The following PES1 variants were observed in gnomAD, a reference collection of about 807,000 sequenced individuals.
PES1 encodes pescadillo homolog.
Under a neutral mutation model 77.1 loss-of-function variants are expected in PES1, and 31 were observed. The ratio of observed to expected loss-of-function variants is 0.40; its 90% CI spans 0.30 to 0.54. PES1 has a LOEUF of 0.54. Among genes scored for constraint, PES1 ranks in the 20% least tolerant of loss-of-function variants. The pLI is 0.45. For missense variants in PES1, 658 were observed against 771.7 expected (o/e 0.85, Z 1.75); for synonymous variants, 282 against 303.0 (o/e 0.93, Z 0.72).
In PES1 at chr22:30,597,876, A is replaced by ATTTTTTTTT. The variant is rs1210779167; in HGVS notation, c.-660-5479_-660-5478insAAAAAAAAA. 3.8e-4 allele frequency among the ~76,000 whole-genome samples: 48 copies of ATTTTTTTTT among 125,148 alleles called. 1 individual carries two copies. Among genetic ancestry groups the ATTTTTTTTT allele is most frequent in the African/African-American group, 1.5e-3 (48 of 32,420 alleles). The allele number at this position is 125,148 out of a possible 152,430, so 82.1% of individuals were successfully genotyped here. A position where few individuals can be genotyped will look rare whatever the true frequency, so the allele number is the denominator to read the frequency against. ...CTCGGTTTTTTTTCCACGCAGTTGA[A>ATTTTTTTTT]GTTTTGTTTTTTTTTTTTTTGTTTT... On this transcript the variant is annotated intron_variant, in intron 2 of 16. Transcript: ENST00000402281.
chr22:30,606,117 G>T (rs2145525964), intron 1 of PES1, among the ~76,000 whole-genome samples: 1 of 152,284 alleles, frequency 6.6e-6, no homozygotes, highest in South Asian at 2.1e-4. Flanking sequence ...GGGCAGATGA[G>T]GAATCTTTTG....
At position 30,581,063 on chromosome 22, in the gene PES1, C is replaced by T. The variant is rs1014551834; in HGVS notation, c.861G>A (p.Val287=). The T allele has an allele frequency of 6.2e-7, 1 of 1,611,842 alleles. No individual in the cohort carries two copies. The highest frequency in any genetic ancestry group is 1.3e-5 in the African/African-American group (1 of 75,036). The change falls in exon 9 of 15, where the codon GTG becomes GTA. Residue 287 remains valine (V), a synonymous_variant. Transcript: ENST00000354694. ...AALSASLARV[V]VPATEEEAEV... ...CGGCCTCCTCCTCTGTGGCAGGCAC[C>T]ACCACGCGGGCCAGGCTGGCACTGA... is the stretch of plus-strand genomic sequence containing the variant.
At chr22:30,596,655 T>C (rs1188719338), upstream of PES1, among the ~76,000 whole-genome samples, 1 of 152,218 alleles carries the variant, frequency 6.6e-6, no homozygotes, top group Non-Finnish European at 1.5e-5. Context: ...AACCATCTTT[T>C]ATAAACCGAT....
chr22:30,603,777 A>T (rs1209852813), intron 2 of PES1: 2 of 152,204 alleles, frequency 1.3e-5, no homozygotes, highest in African/African-American at 4.8e-5. Flanking sequence ...CATTCTTCTC[A>T]TGCCATCTTC....
chr22:30,603,916 A>G (rs1602034165), intron 2 of PES1: 1 of 152,144 alleles, frequency 6.6e-6, no homozygotes. Context: ...CAGCAGAGGA[A>G]CTATAGTGAT....
At chr22:30,577,174 G>A (rs893843135) in intron 14 of PES1, 45 bp from the exon 15 acceptor site, 12 of 1,489,216 alleles carry the variant, frequency 8.1e-6, no homozygotes, top group Non-Finnish European at 1.1e-5. Flanking sequence ...TGTGTAGAAG[G>A]GAGGGTGGGG....
At chr22:30,588,900 C>A (rs1322096926) in intron 2 of PES1, among the ~76,000 whole-genome samples, 1 of 152,196 alleles carries the variant, frequency 6.6e-6, no homozygotes, top group African/African-American at 2.4e-5. Context: ...ATGAGAACCC[C>A]TAGTTGCAGG....
At chr22:30,602,864 C>T (rs189584542) in intron 2 of PES1, among the ~76,000 whole-genome samples, 7 of 152,150 alleles carry the variant, frequency 4.6e-5, no homozygotes, top group Non-Finnish European at 1.0e-4. Context: ...AAATGTCTTA[C>T]TATTACACTA....
chr22:30,580,116 G>A lies in PES1; in HGVS notation c.1106C>T (p.Thr369Ile). 6.2e-7 allele frequency: 1 copy of A among 1,614,142 alleles called. No individual in the cohort carries two copies. The change falls in exon 11 of 15, where the codon ACA (threonine) becomes ATA (isoleucine). Residue 369 changes from threonine (T) to isoleucine (I), a missense_variant. By Grantham distance (89) the Thr-to-Ile change is moderately conservative. Coordinates refer to ENST00000354694, the MANE Select transcript of PES1 (RefSeq NM_014303.4). ...SLCIGATYDV[T>I]DSRITHQIVD... is the part of the protein sequence containing the mutation. ...AATCTGATGGGTGATGCGGGAGTCT[G>A]TGACGTCATAGGTGGCCCCAATGCA...
chr22:30,593,687 G>T (rs150783000), upstream of PES1, among the ~76,000 whole-genome samples: 810 of 152,238 alleles, frequency 5.3e-3, 5 homozygotes, highest in South Asian at 8.7e-3. Context: ...GCCTTGTTTT[G>T]CTCACATTAA....
rs181743440 is a variant in PES1, at chr22:30,586,937, G to A, written c.368+349C>T. On this transcript the variant is annotated intron_variant, in intron 4 of 14. Transcript: ENST00000354694. ...TGGGCAAGGAACAGTTCAGACGAGA[G>A]GTGTCTAGCCATGCTTCCCACGTCT... is the stretch of plus-strand genomic sequence containing the variant. The A allele has an allele frequency of 1.4e-4, 35 of 249,976 alleles. No homozygotes were observed. The Admixed American group carries it at 1.6e-3, about 12-fold the overall frequency. The allele number at this position is 249,976 out of a possible 1,614,324, so 15.5% of individuals were successfully genotyped here. A position where few individuals can be genotyped will look rare whatever the true frequency, so the allele number is the denominator to read the frequency against.
chr22:30,594,576 G>A (rs2087228654), upstream of PES1, among the ~76,000 whole-genome samples: 1 of 151,966 alleles, frequency 6.6e-6, no homozygotes. Context: ...CCTTTTGGGA[G>A]GCAAAGGTGG....
chr22:30,591,950 G>C (rs1213371320), upstream of PES1: 2 of 1,436,934 alleles, frequency 1.4e-6, no homozygotes, highest in African/African-American at 1.4e-5. Flanking sequence ...TGTTTGTGCG[G>C]GCTGCCCAAT....
chr22:30,605,607 A>G (rs2087426198), intron 1 of PES1: 2 of 347,434 alleles, frequency 5.8e-6, no homozygotes, highest in South Asian at 1.2e-4. Flanking sequence ...AGGTGGCTCC[A>G]TTGCACACAC....
At chr22:30,592,751 C>G (rs1486562131), upstream of PES1, among the ~76,000 whole-genome samples, 1 of 152,228 alleles carries the variant, frequency 6.6e-6, no homozygotes, top group East Asian at 1.9e-4. Flanking sequence ...GAGCCGAGAT[C>G]TTGCCACTGC....
chr22:30,583,381 C>T (rs1221435032), intron 6 of PES1, among the ~76,000 whole-genome samples: 1 of 152,250 alleles, frequency 6.6e-6, no homozygotes. Context: ...CCTAGAGTCC[C>T]AGCTCCCCCT....
upstream of PES1, among the ~76,000 whole-genome samples, chr22:30,596,052 C>T (rs898248441): frequency 4.6e-5 from 7 of 152,134 alleles, no homozygotes; most frequent in African/African-American, 1.7e-4. Flanking sequence ...CATATTATAG[C>T]CCGTTTTTGT....
intron 2 of PES1, among the ~76,000 whole-genome samples, chr22:30,602,679 C>T (rs1029141530): frequency 6.6e-6 from 1 of 152,026 alleles, no homozygotes; most frequent in African/African-American, 2.4e-5. Context: ...ACAATTATTT[C>T]TTTGATGGAC....
At chr22:30,585,142 G>A (rs2087059450) in intron 4 of PES1, 2 of 416,022 alleles carry the variant, frequency 4.8e-6, no homozygotes, top group South Asian at 1.8e-5. Context: ...AGGGAGCGGG[G>A]TGGGGGCTGC....
Sources: allele counts gnomAD v4.1 joint callset (sites outside exome capture counted in the v4.1 genomes callset), GRCh38; gene constraint gnomAD v4.1.1; transcripts MANE v1.5; gene names NCBI Gene and HGNC (gene_info 2026-07-23, HGNC 2026-07-21).